TRPV4: variants seen among roughly 807,000 people sequenced by gnomAD.
TRPV4 encodes the protein transient receptor potential cation channel subfamily V member 4, also known as OSM9-like transient receptor potential channel 4.
A neutral mutation model predicts 84.1 loss-of-function variants in TRPV4; 58 were observed. That is an observed-to-expected ratio of 0.69 (90% CI 0.56 to 0.86). The LOEUF (loss-of-function observed/expected upper bound fraction) is 0.86, where lower values mean the gene tolerates loss of function less well. Ranked by LOEUF, TRPV4 falls within the 40% of genes least tolerant of loss-of-function variation. TRPV4 has a pLI of 0.00. For synonymous variants in TRPV4, 489 were observed against 500.9 expected, an observed-to-expected ratio of 0.98 and a Z score of 0.32; for missense variants, 879 against 1,181.1, an observed-to-expected ratio of 0.74 and a Z score of 3.75.
intron 13 of TRPV4, among the ~76,000 whole-genome samples, chr12:109,787,946 A>G (rs1247536680): frequency 2.0e-5 from 3 of 152,184 alleles, no homozygotes; most frequent in African/African-American, 7.2e-5. Flanking sequence ...CCCTGTCCCC[A>G]TTGGTTTCTC....
intron 3 of TRPV4, among the ~76,000 whole-genome samples, chr12:109,805,935 G>T (rs529178344): frequency 6.6e-6 from 1 of 152,344 alleles, no homozygotes; most frequent in Admixed American, 6.5e-5. Flanking sequence ...AGGCACAGGT[G>T]CCAGCATCCA....
At chr12:109,795,737 TTTTGTTTG>T (rs545111350) in intron 7 of TRPV4, among the ~76,000 whole-genome samples, 10 of 151,892 alleles carry the variant, frequency 6.6e-5, no homozygotes, top group Admixed American at 1.3e-4. Context: ...AAGCTTGGTT[TTTTGTTTG>T]TTTGTTTGTT....
intron 1 of TRPV4, among the ~76,000 whole-genome samples, chr12:109,823,711 C>G (rs1476463618): frequency 6.6e-6 from 1 of 151,986 alleles, no homozygotes; most frequent in Non-Finnish European, 1.5e-5. Context: ...TGAAAATGTT[C>G]TGGAATGAGA....
chr12:109,792,847 C>T, intron 10 of TRPV4, 30 bp from the exon 11 acceptor site: 1 of 1,611,826 alleles, frequency 6.2e-7, no homozygotes, highest in Non-Finnish European at 8.5e-7. Flanking sequence ...ACAAGAGAGG[C>T]CAGAGGGGAG....
chr12:109,797,829 G>T (rs888653733), intron 6 of TRPV4, among the ~76,000 whole-genome samples: 1 of 152,064 alleles, frequency 6.6e-6, no homozygotes, highest in African/African-American at 2.4e-5. Flanking sequence ...CTTCTCCCAG[G>T]CTCCTTCCTA....
chr12:109,803,831 A>G (rs906959973), intron 3 of TRPV4, among the ~76,000 whole-genome samples: 1 of 152,248 alleles, frequency 6.6e-6, no homozygotes, highest in African/African-American at 2.4e-5. Context: ...AAAGCCAATC[A>G]TAATTCCTTA....
chr12:109,807,260 G>C (rs1217392897), intron 3 of TRPV4, among the ~76,000 whole-genome samples: 4 of 129,886 alleles, frequency 3.1e-5, no homozygotes, highest in African/African-American at 1.2e-4. Flanking sequence ...TGGGCAACAA[G>C]AATGAAACTC....
intron 1 of TRPV4, among the ~76,000 whole-genome samples, chr12:109,823,204 T>A (rs1356446379): frequency 6.6e-6 from 1 of 152,192 alleles, no homozygotes; most frequent in African/African-American, 2.4e-5. Flanking sequence ...TGTATTTACC[T>A]AGCAGGTCTC....
intron 1 of TRPV4, among the ~76,000 whole-genome samples, chr12:109,826,745 T>C (rs1331635645): frequency 6.6e-6 from 1 of 152,232 alleles, no homozygotes; most frequent in Non-Finnish European, 1.5e-5. Context: ...ATCTTGACTT[T>C]GCCATTTAGT....
chr12:109,783,494 G>A lies in TRPV4; in HGVS notation c.*127C>T. On this transcript the variant is annotated 3_prime_UTR_variant, in exon 16 of 16. Coordinates refer to ENST00000261740, the MANE Select transcript of TRPV4 (RefSeq NM_021625.5). This position sits in a 1 kb window ranked among gnomAD's most constrained non-coding sequence, Gnocchi z 4.6. ...GACCACAGGGTCCTGGGGCCTCCCT[G>A]GCACCTCCACTGGTCCCTCGCCTCT... 2 of 1,326,222 alleles carry A rather than the reference G, an allele frequency of 1.5e-6. No individual in the cohort carries two copies. The highest frequency in any genetic ancestry group is 1.0e-6 in the Non-Finnish European group (1 of 984,024). The allele number at this position is 1,326,222 out of a possible 1,614,324, so 82.2% of individuals were successfully genotyped here.
Position 109,793,986 on chromosome 12 carries a change from G to T in TRPV4, c.1528C>A (p.Arg510=). ...YPYRTTVDYL[R]LAGEVITLFT... ...AGCGTAATGACCTCGCCAGCCAGCC[G>T]CAGGTAGTCCACCGTGGTGCGGTAA... Residue 510 remains arginine, a synonymous_variant, in exon 9 of 16, where the codon CGG becomes AGG. Coordinates refer to ENST00000261740, the MANE Select transcript of TRPV4 (RefSeq NM_021625.5). The surrounding 1 kb of genome is among the most constrained non-coding windows in gnomAD (Gnocchi z 4.0). 3 of 1,610,554 alleles carry T rather than the reference G, an allele frequency of 1.9e-6. No individual in the cohort carries two copies. Among genetic ancestry groups the T allele is most frequent in the Middle Eastern group, 1.7e-4 (1 of 6,050 alleles).
chr12:109,807,899 G>A (rs554309504), intron 3 of TRPV4, among the ~76,000 whole-genome samples: 3 of 152,312 alleles, frequency 2.0e-5, no homozygotes, highest in Admixed American at 6.5e-5. Context: ...AGCTGCCTGC[G>A]CTGGGCTCTC....
At chr12:109,832,076 C>T (rs567096039) in intron 1 of TRPV4, among the ~76,000 whole-genome samples, 166 of 152,334 alleles carry the variant, frequency 1.1e-3, no homozygotes, top group Non-Finnish European at 2.0e-3. Flanking sequence ...GTCATCGGTC[C>T]TCACGACAGC....
chr12:109,803,228 G>A, intron 3 of TRPV4, 85 bp from the exon 4 acceptor site: 1 of 1,520,856 alleles, frequency 6.6e-7, no homozygotes, highest in Non-Finnish European at 9.0e-7. Context: ...ACACTGGGTA[G>A]GGGGTCAGAT....
Position 109,808,157 on chromosome 12 carries a change from C to T in TRPV4, c.559+139G>A. On this transcript the variant is annotated intron_variant, in intron 3 of 15. Coordinates refer to ENST00000261740, the MANE Select transcript of TRPV4 (RefSeq NM_021625.5). Reference sequence around the variant, plus strand: ...ATGGTGAAGGACACACAGGACCAGACTCCCTGTCCAGTGCACTTTCCAGGC... The same window carrying T: ...ATGGTGAAGGACACACAGGACCAGATTCCCTGTCCAGTGCACTTTCCAGGC... 3 of 915,092 alleles carry T rather than the reference C, an allele frequency of 3.3e-6. No individual in the cohort carries two copies. In the South Asian group the frequency reaches 4.2e-5, roughly 13 times the overall value. 56.7% of individuals were successfully genotyped at this position (915,092 alleles called of 1,614,324 possible).
chr12:109,807,433 T>G (rs1435051314), intron 3 of TRPV4, among the ~76,000 whole-genome samples: 2 of 144,558 alleles, frequency 1.4e-5, no homozygotes, highest in Non-Finnish European at 1.5e-5. Context: ...CAGGCTGGAG[T>G]GCAGTGGCAT....
At chr12:109,827,301 T>C (rs1892278464) in intron 1 of TRPV4, among the ~76,000 whole-genome samples, 1 of 152,200 alleles carries the variant, frequency 6.6e-6, no homozygotes, top group African/African-American at 2.4e-5. Flanking sequence ...TCAAGCACAC[T>C]TGGTCTCAGA....
At chr12:109,799,082 T>C (rs11068339) in intron 5 of TRPV4, among the ~76,000 whole-genome samples, 170 bp from the exon 6 acceptor site, 1 of 151,432 alleles carries the variant, frequency 6.6e-6, no homozygotes, top group African/African-American at 2.4e-5. Context: ...GGAGATGGGG[T>C]GTGGCTAGTT....
At chr12:109,816,042 G>A (rs1162491820) in intron 1 of TRPV4, among the ~76,000 whole-genome samples, 6 of 152,244 alleles carry the variant, frequency 3.9e-5, no homozygotes, top group African/African-American at 1.4e-4. Context: ...CCACCCGGGA[G>A]GCAGGGGCAT....
Sources: gnomAD v4.1 joint callset for allele counts (sites outside exome capture counted in the v4.1 genomes callset) on GRCh38, gnomAD v4.1.1 for gene constraint, Gnocchi (gnomAD v3.1) non-coding constraint, MANE v1.5 for transcripts, NCBI Gene and HGNC (gene_info 2026-07-23, HGNC 2026-07-21) for gene names.